Variants in UBR1 observed in about 807,000 individuals in gnomAD.
The protein encoded by UBR1 is E3 ubiquitin-protein ligase UBR1.
UBR1 carries 102 observed loss-of-function variants against 242.1 expected under a neutral mutation model. The observed-to-expected ratio is 0.42, with a 90% CI of 0.36 to 0.50. The LOEUF (loss-of-function observed/expected upper bound fraction) is 0.50, where lower values mean the gene tolerates loss of function less well. UBR1 is among the 20% of genes least tolerant of loss of function. The probability of loss-of-function intolerance (pLI) is 0.01; values close to 1 mark genes in which losing one functional copy is unlikely to be tolerated. For missense variants in UBR1, 1,772 were observed against 2,101.8 expected, an observed-to-expected ratio of 0.84 and a Z score of 3.07; for synonymous variants, 675 against 684.8, an observed-to-expected ratio of 0.99 and a Z score of 0.22.
intron 33 of UBR1, among the ~76,000 whole-genome samples, chr15:42,997,651 T>C (rs1023589748): frequency 6.6e-6 from 1 of 152,256 alleles, no homozygotes; most frequent in African/African-American, 2.4e-5. Flanking sequence ...TTACAAACAT[T>C]ACTAACCACA....
chr15:43,083,769 T>G (rs2034000464), intron 2 of UBR1, among the ~76,000 whole-genome samples: 1 of 151,866 alleles, frequency 6.6e-6, no homozygotes, highest in African/African-American at 2.4e-5. Flanking sequence ...CTGGCCAGGC[T>G]TGGTGGCTCA....
At chr15:42,976,569 A>T in intron 39 of UBR1, 148 bp downstream of exon 39, 1 of 930,386 alleles carries the variant, frequency 1.1e-6, no homozygotes, top group Non-Finnish European at 1.6e-6. Flanking sequence ...CCTTGTTTAA[A>T]CAGTATCCAT....
rs751157225 is a variant in UBR1 at position 42,945,325 on chromosome 15, G to C, written c.*4C>G. ...TTGTGATTGTCTTGAGGCAGAGTTGGAGCTCACAGTAACTGCCAGTTGAAT... is the reference window on the plus strand; with the variant it reads ...TTGTGATTGTCTTGAGGCAGAGTTGCAGCTCACAGTAACTGCCAGTTGAAT... On this transcript the variant is annotated 3_prime_UTR_variant, in exon 47 of 47. Coordinates refer to ENST00000290650, the MANE Select transcript of UBR1 (RefSeq NM_174916.3). 15 of 1,613,940 alleles carry C rather than the reference G, an allele frequency of 9.3e-6. No homozygotes were observed. The Admixed American group carries it at 2.5e-4, about 27-fold the overall frequency.
intron 44 of UBR1, among the ~76,000 whole-genome samples, chr15:42,957,503 T>G (rs1223558363): frequency 1.3e-5 from 2 of 152,144 alleles, no homozygotes; most frequent in Non-Finnish European, 2.9e-5. Context: ...TCATTGCATG[T>G]TATGTGGATT....
chr15:42,955,392 T>C (rs771045400), intron 44 of UBR1, among the ~76,000 whole-genome samples: 1 of 152,234 alleles, frequency 6.6e-6, no homozygotes, highest in Non-Finnish European at 1.5e-5. Context: ...TGCTGCATAA[T>C]GCTTAGTAAT....
At chr15:43,033,398 C>A (rs1166880200) in intron 19 of UBR1, among the ~76,000 whole-genome samples, 1 of 152,168 alleles carries the variant, frequency 6.6e-6, no homozygotes, top group African/African-American at 2.4e-5. Flanking sequence ...GTAATCCCAG[C>A]AATTTGGGAG....
intron 21 of UBR1, among the ~76,000 whole-genome samples, chr15:43,028,615 C>T (rs924523524): frequency 1.5e-4 from 23 of 151,008 alleles, no homozygotes; most frequent in African/African-American, 5.3e-4. Flanking sequence ...CATGGTGGTG[C>T]GCGCCTGTAG....
intron 1 of UBR1, among the ~76,000 whole-genome samples, chr15:43,094,550 T>A (rs2034138266): frequency 6.6e-6 from 1 of 152,078 alleles, no homozygotes; most frequent in Non-Finnish European, 1.5e-5. Context: ...ATATTTTAAA[T>A]CCTCTTTTTC....
At chr15:42,986,428 CA>C (rs1484121872) in intron 35 of UBR1, among the ~76,000 whole-genome samples, 5 of 152,178 alleles carry the variant, frequency 3.3e-5, no homozygotes, top group Non-Finnish European at 7.3e-5. Context: ...TCCTTTATAA[CA>C]GACTGTGCCC....
In UBR1 at chr15:42,950,186, A is replaced by G. The variant is rs144779314; in HGVS notation, c.5108+76T>C. 699 of 1,290,698 alleles carry G rather than the reference A, an allele frequency of 5.4e-4. 4 individuals are homozygous for G. In the African/African-American group the frequency reaches 9.4e-3, roughly 17 times the overall value. The allele number at this position is 1,290,698 out of a possible 1,614,324, so 80.0% of individuals were successfully genotyped here. On this transcript the variant is annotated intron_variant, in intron 46 of 46. Transcript: ENST00000290650. ...GAACTATTACCGTTTACATACAATA[A>G]TGTGACTGAAATAGAAAACAATCAA... is the stretch of plus-strand genomic sequence containing the variant.
chr15:43,037,946 GC>G, intron 16 of UBR1, 63 bp from the exon 17 acceptor site: 1 of 1,455,492 alleles, frequency 6.9e-7, no homozygotes, highest in Non-Finnish European at 9.5e-7. Context: ...TCCAAGTTAT[GC>G]CACTACATAT....
chr15:43,054,106 A>G (rs771430940), intron 12 of UBR1, among the ~76,000 whole-genome samples: 1 of 152,140 alleles, frequency 6.6e-6, no homozygotes, highest in Non-Finnish European at 1.5e-5. Context: ...TCCCAACACT[A>G]TGGGAGGCCA....
rs200684905 is a variant in UBR1 at position 43,024,987 on chromosome 15, T to C, written c.2585-4A>G. 1.6e-4 allele frequency: 265 copies of C among 1,613,950 alleles called. 1 individual carries two copies. In the African/African-American group the frequency reaches 3.0e-3, roughly 18 times the overall value. On this transcript the variant is annotated splice_polypyrimidine_tract_variant and splice_region_variant and intron_variant, in intron 24 of 46. Transcript: ENST00000290650. ...GGAGGTGGTGGTGGCGGCAATGCTA[T>C]AGGAGGTGGGGAATGGATGGGGAAA...
rs145099095 is a variant in UBR1, at chr15:42,950,493, C to T, written c.5007-130G>A. ...ATATTCAGTAAAAAGACAATATAAA[C>T]AGACAAATAGACTAAATTATGTTTT... On this transcript the variant is annotated intron_variant, in intron 45 of 46. Transcript: ENST00000290650. 682 of 737,634 alleles carry T rather than the reference C, an allele frequency of 9.2e-4. 3 individuals are homozygous for T. In the African/African-American group the frequency reaches 0.011, roughly 12 times the overall value. The allele number at this position is 737,634 out of a possible 1,614,324, so 45.7% of individuals were successfully genotyped here. A position where few individuals can be genotyped will look rare whatever the true frequency, so the allele number is the denominator to read the frequency against.
chr15:43,056,123 C>T (rs1205575708), intron 11 of UBR1, among the ~76,000 whole-genome samples: 1 of 152,158 alleles, frequency 6.6e-6, no homozygotes, highest in African/African-American at 2.4e-5. Context: ...ATAAGTTACT[C>T]TAGAAAGTAA....
At chr15:43,093,696 G>A (rs1156919522) in intron 1 of UBR1, among the ~76,000 whole-genome samples, 1 of 151,346 alleles carries the variant, frequency 6.6e-6, no homozygotes, top group Non-Finnish European at 1.5e-5. Context: ...CTGAGTGGGA[G>A]GATCACCTGA....
At chr15:43,030,577 G>A (rs1489085049) in intron 20 of UBR1, among the ~76,000 whole-genome samples, 3 of 152,142 alleles carry the variant, frequency 2.0e-5, no homozygotes, top group African/African-American at 7.2e-5. Flanking sequence ...TGACAAAACA[G>A]TAATATGTAT....
chr15:43,064,309 A>G (rs187361750), intron 6 of UBR1, among the ~76,000 whole-genome samples: 206 of 152,318 alleles, frequency 1.4e-3, no homozygotes, highest in African/African-American at 4.9e-3. Flanking sequence ...CAGTTTTTTA[A>G]AACTATTTGA....
At chr15:43,060,030 T>A in intron 7 of UBR1, 22 bp downstream of exon 7, 1 of 1,612,526 alleles carries the variant, frequency 6.2e-7, no homozygotes, top group Non-Finnish European at 8.5e-7. Flanking sequence ...CTTCTCTTTT[T>A]CCCCCTAATT....
Sources: gnomAD v4.1 joint callset for allele counts (sites outside exome capture counted in the v4.1 genomes callset) on GRCh38, gnomAD v4.1.1 for gene constraint, MANE v1.5 for transcripts, NCBI Gene and HGNC (gene_info 2026-07-23, HGNC 2026-07-21) for gene names.